GTPBP6: variants seen among roughly 807,000 people sequenced by gnomAD.
GTPBP6 encodes GTP binding protein 6, also known as putative GTP-binding protein 6.
Under a neutral mutation model 28.9 loss-of-function variants are expected in GTPBP6, and 33 were observed. That is an observed-to-expected ratio of 1.14 (90% CI 0.87 to 1.53). GTPBP6 has a LOEUF of 1.53. Among genes scored for constraint, GTPBP6 ranks in the 40% most tolerant of loss-of-function variants. The pLI, the probability that GTPBP6 is intolerant of heterozygous loss-of-function variation, is 0.00. For missense variants in GTPBP6, 507 were observed against 408.3 expected, an observed-to-expected ratio of 1.24 and a Z score of -2.08; for synonymous variants, 231 against 192.7, an observed-to-expected ratio of 1.20 and a Z score of -1.65.
chrX:313,513 C>T (rs927459576), intron 5 of GTPBP6, among the ~76,000 whole-genome samples: 3 of 151,084 alleles, frequency 2.0e-5, no homozygotes, highest in South Asian at 2.1e-4. Context: ...GAACTGTGGT[C>T]CTCCTAAAAG....
At chrX:315,620 CACAG>C (rs1236726887) in intron 2 of GTPBP6, among the ~76,000 whole-genome samples, 13 of 30,368 alleles carry the variant, frequency 4.3e-4, no homozygotes, top group Middle Eastern at 0.026. Flanking sequence ...GACACAGACA[CACAG>C]ACAGACACAC....
At position 312,699 on chromosome X, in the gene GTPBP6, C is replaced by A. The variant is rs768246063; in HGVS notation, c.916+67G>T. The A allele has an allele frequency of 2.0e-6, 3 of 1,489,114 alleles. No homozygotes were observed. The African/African-American group carries it at 4.3e-5, about 21-fold the overall frequency. 92.2% of individuals were successfully genotyped at this position (1,489,114 alleles called of 1,614,324 possible). A position where few individuals can be genotyped will look rare whatever the true frequency, so the allele number is the denominator to read the frequency against. On this transcript the variant is annotated intron_variant, in intron 6 of 9. Coordinates refer to ENST00000326153, the Ensembl canonical transcript of GTPBP6. ...TGAGACGACAGGGACCCCCTGCCCT[C>A]CCCCGGGCGAGTCCTCACCGGTGAC...
chrX:311,977 G>C (rs990142951), intron 6 of GTPBP6: 1 of 546,622 alleles, frequency 1.8e-6, no homozygotes, highest in Non-Finnish European at 3.4e-6. Context: ...GGTGTGGATG[G>C]GAGGATGGTG....
At chrX:317,273 C>T (rs1244181888) in intron 1 of GTPBP6, among the ~76,000 whole-genome samples, 1 of 152,114 alleles carries the variant, frequency 6.6e-6, no homozygotes, top group Non-Finnish European at 1.5e-5. Context: ...GGCGACCCTG[C>T]CTTACATGGA....
exon 2 of GTPBP6, chrX:317,012 G>A (rs1158936363): frequency 2.5e-6 from 1 of 398,654 alleles, no homozygotes; most frequent in African/African-American, 2.1e-5. Context: ...GCCGTCCAGC[G>A]TGTGCACCAG....
intron 3 of GTPBP6, 33 bp from the exon 4 acceptor site, chrX:315,053 G>C (rs1468181161): frequency 3.0e-5 from 12 of 398,634 alleles, no homozygotes; most frequent in East Asian, 2.1e-4. Flanking sequence ...AGAAGCCACG[G>C]GGGAAGGCCG....
In GTPBP6 at chrX:314,321, A is replaced by T. The variant is rs2070383461; in HGVS notation, c.690-104T>A. The T allele has an allele frequency of 1.5e-5, 14 of 944,098 alleles. No homozygotes were observed. The South Asian group carries it at 1.9e-4, about 13-fold the overall frequency. The allele number at this position is 944,098 out of a possible 1,614,324, so 58.5% of individuals were successfully genotyped here. A position where few individuals can be genotyped will look rare whatever the true frequency, so the allele number is the denominator to read the frequency against. ...GGCACTGAGCTGGGCCTCTGGGCCG[A>T]AGGGAGGAGCCGCTGTTGCGGCCCC... On this transcript the variant is annotated intron_variant, in intron 4 of 9. Coordinates refer to ENST00000326153, the Ensembl canonical transcript of GTPBP6.
chrX:312,935 C>T lies in GTPBP6; in HGVS notation c.758-11G>A, dbSNP rs749424787. 20 of 1,606,480 alleles carry T rather than the reference C, an allele frequency of 1.2e-5. No individual in the cohort carries two copies. The South Asian group carries it at 2.1e-4, about 17-fold the overall frequency. On this transcript the variant is annotated splice_polypyrimidine_tract_variant and intron_variant, in intron 5 of 9. Transcript: ENST00000326153. ...GCATGAAGGATTCTCCTAAAAGACA[C>T]CCGAGATGGTGAGGCGGTGAGCCAC...
chrX:314,635 G>C (rs1275026596), intron 4 of GTPBP6, among the ~76,000 whole-genome samples: 3 of 152,110 alleles, frequency 2.0e-5, no homozygotes, highest in Admixed American at 6.5e-5. Flanking sequence ...ACCACGCCCG[G>C]CTAATTTTTT....
intron 3 of GTPBP6, 25 bp from the exon 4 acceptor site, chrX:315,045 A>G: frequency 2.5e-6 from 1 of 398,714 alleles, no homozygotes; most frequent in Non-Finnish European, 4.4e-6. Flanking sequence ...AGCAACTGAG[A>G]AGCCACGGGG....
chrX:315,540 A>G (rs2070414418), intron 2 of GTPBP6, among the ~76,000 whole-genome samples: 2 of 132,556 alleles, frequency 1.5e-5, no homozygotes, highest in Non-Finnish European at 3.1e-5. Flanking sequence ...GGACACAAAC[A>G]CATACACACG....
chrX:318,583 C>T (rs1196919825), exon 1 of GTPBP6: 3 of 398,092 alleles, frequency 7.5e-6, no homozygotes, highest in East Asian at 7.1e-5. Flanking sequence ...TCCTCCTCGT[C>T]GTCTCCCGTG....
chrX:318,402 G>A (rs1160762036), intron 1 of GTPBP6, 37 bp downstream of exon 1: 2 of 345,218 alleles, frequency 5.8e-6, no homozygotes, highest in Admixed American at 9.8e-5. Flanking sequence ...CAGGTCTCCA[G>A]CTCCTGTTTC....
chrX:314,060 T>C, intron 5 of GTPBP6, 90 bp downstream of exon 5: 4 of 995,244 alleles, frequency 4.0e-6, no homozygotes, highest in Non-Finnish European at 6.4e-6. Flanking sequence ...GACCCCACCC[T>C]GTTGGAATCT....
intron 1 of GTPBP6, among the ~76,000 whole-genome samples, 188 bp downstream of exon 1, chrX:318,251 C>A (rs1383591133): frequency 1.3e-5 from 2 of 151,122 alleles, no homozygotes; most frequent in African/African-American, 4.9e-5. Context: ...ATCCTTCCTG[C>A]AGAGCCCCGC....
chrX:318,628 C>G, exon 1 of GTPBP6: 1 of 397,796 alleles, frequency 2.5e-6, no homozygotes, highest in Non-Finnish European at 4.4e-6. Flanking sequence ...AGGCCCCGCC[C>G]TCCGCCCCAC....
In GTPBP6 at chrX:305,082, G is replaced by T. The variant is rs375518953; in HGVS notation, c.1543C>A (p.Pro515Thr). Reference sequence around the variant, plus strand: ...CCTCTGTGGGCGTCCGTTCATCCTGGAAAGAGCTTCCGGAATTTGCCGTAG... The same window carrying T: ...CCTCTGTGGGCGTCCGTTCATCCTGTAAAGAGCTTCCGGAATTTGCCGTAG... The change falls in exon 10 of 10, where the codon CCA (proline) becomes ACA (threonine). Residue 515 changes from proline to threonine, a missense_variant. Physicochemically the swap from Pro to Thr is conservative, Grantham distance 38 (BLOSUM62 -1). Coordinates refer to ENST00000326153, the Ensembl canonical transcript of GTPBP6. 2.1e-5 allele frequency: 34 copies of T among 1,613,070 alleles called. No homozygotes were observed. The African/African-American group carries it at 4.4e-4, about 21-fold the overall frequency.
At chrX:312,130 G>A (rs1569351273) in intron 6 of GTPBP6, 1 of 468,604 alleles carries the variant, frequency 2.1e-6, no homozygotes, top group Non-Finnish European at 4.2e-6. Context: ...TGGTATAGAT[G>A]GGGCAGTGGT....
At chrX:307,416 C>G in exon 9 of GTPBP6, 2 of 1,612,662 alleles carry the variant, frequency 1.2e-6, no homozygotes, top group Non-Finnish European at 1.7e-6. Context: ...TCCCCGTCGC[C>G]TTCAAAACCG....
Sources: allele counts gnomAD v4.1 joint callset (sites outside exome capture counted in the v4.1 genomes callset), GRCh38; gene constraint gnomAD v4.1.1; transcripts MANE v1.5; gene names NCBI Gene and HGNC (gene_info 2026-07-23, HGNC 2026-07-21).